MB21D2: variants seen among roughly 807,000 people sequenced by gnomAD.
MB21D2 encodes nucleotidyltransferase MB21D2.
Under a neutral mutation model 33.3 loss-of-function variants are expected in MB21D2, and 9 were observed. The observed-to-expected ratio is 0.27, with a 90% CI of 0.16 to 0.47. The LOEUF (loss-of-function observed/expected upper bound fraction) is 0.47, where lower values mean the gene tolerates loss of function less well. MB21D2 is among the 20% of genes least tolerant of loss of function. The pLI is 0.99. For synonymous variants in MB21D2, 241 were observed against 236.3 expected (o/e 1.02, Z -0.18); for missense variants, 540 against 624.6 (o/e 0.86, Z 1.44).
intron 1 of MB21D2, among the ~76,000 whole-genome samples, chr3:192,840,965 T>C (rs2108625292): frequency 6.6e-6 from 1 of 152,350 alleles, no homozygotes; most frequent in South Asian, 2.1e-4. Context: ...GCATACCATT[T>C]GTATAGTGGA....
chr3:192,822,633 T>C (rs372909576), intron 1 of MB21D2, among the ~76,000 whole-genome samples: 50 of 152,346 alleles, frequency 3.3e-4, no homozygotes, highest in African/African-American at 1.2e-3. Flanking sequence ...CCCGTGGCCA[T>C]GGTCAGGTCA....
chr3:192,818,043 C>CG (rs1327055909), intron 1 of MB21D2, among the ~76,000 whole-genome samples: 4 of 151,788 alleles, frequency 2.6e-5, no homozygotes, highest in Admixed American at 1.3e-4. Context: ...TGTGCCCTCC[C>CG]TCCTTGCCTG....
chr3:192,896,075 G>A (rs910772529), intron 1 of MB21D2, among the ~76,000 whole-genome samples: 9 of 152,152 alleles, frequency 5.9e-5, no homozygotes, highest in East Asian at 1.9e-4. Flanking sequence ...TCCGCTGCTC[G>A]TTTAACATAC....
chr3:192,865,186 G>A (rs995496722), intron 1 of MB21D2, among the ~76,000 whole-genome samples: 1 of 152,214 alleles, frequency 6.6e-6, no homozygotes, highest in African/African-American at 2.4e-5. Context: ...CCTCCTGCAT[G>A]TGGAGCTTTC....
chr3:192,811,794 A>G (rs1711792912), intron 1 of MB21D2, among the ~76,000 whole-genome samples: 1 of 152,132 alleles, frequency 6.6e-6, no homozygotes, highest in South Asian at 2.1e-4. Flanking sequence ...GGGAGGGTGG[A>G]TTAAAAAAAA....
intron 1 of MB21D2, among the ~76,000 whole-genome samples, chr3:192,849,353 T>C (rs1323005857): frequency 6.7e-6 from 1 of 148,406 alleles, no homozygotes; most frequent in Non-Finnish European, 1.5e-5. Flanking sequence ...AGTCTCGCTC[T>C]GTTGCCCAGG....
intron 1 of MB21D2, among the ~76,000 whole-genome samples, chr3:192,856,949 C>T (rs2108631941): frequency 6.6e-6 from 1 of 152,134 alleles, no homozygotes; most frequent in South Asian, 2.1e-4. Context: ...AAAATAATAA[C>T]AATGATGAGG....
At chr3:192,912,773 A>T (rs1274312861) in intron 1 of MB21D2, among the ~76,000 whole-genome samples, 3 of 152,222 alleles carry the variant, frequency 2.0e-5, no homozygotes. Flanking sequence ...ATGGAAACTG[A>T]TTGCTACTAC....
intron 1 of MB21D2, among the ~76,000 whole-genome samples, chr3:192,825,028 T>C (rs1490986158): frequency 6.6e-6 from 1 of 152,198 alleles, no homozygotes; most frequent in East Asian, 1.9e-4. Flanking sequence ...TCCTCCTACG[T>C]GCTCATGTTC....
chr3:192,872,449 G>A (rs6778580), intron 1 of MB21D2, among the ~76,000 whole-genome samples: 92,053 of 150,520 alleles, frequency 0.61, 30,135 homozygotes, highest in African/African-American at 0.85. Flanking sequence ...GGTGGCGAGC[G>A]CCTGTAGTCC....
intron 1 of MB21D2, among the ~76,000 whole-genome samples, chr3:192,853,224 A>T (rs1350197459): frequency 6.6e-6 from 1 of 152,140 alleles, no homozygotes; most frequent in Non-Finnish European, 1.5e-5. Context: ...CACCCCTCGA[A>T]GGTCTTCTCC....
intron 1 of MB21D2, among the ~76,000 whole-genome samples, chr3:192,827,722 C>CACTG (rs10665466): frequency 0.61 from 92,477 of 151,670 alleles, 29,626 homozygotes; most frequent in African/African-American, 0.81. Flanking sequence ...GTTCTGTCTA[C>CACTG]ACTTAGTGTC....
intron 1 of MB21D2, among the ~76,000 whole-genome samples, chr3:192,902,670 C>T (rs1008010550): frequency 6.6e-6 from 1 of 152,190 alleles, no homozygotes; most frequent in Admixed American, 6.5e-5. Flanking sequence ...ACTAGCTTAA[C>T]TCCTCTCTAA....
chr3:192,811,574 C>T (rs528608431), intron 1 of MB21D2, among the ~76,000 whole-genome samples: 1 of 152,142 alleles, frequency 6.6e-6, no homozygotes, highest in Non-Finnish European at 1.5e-5. Flanking sequence ...AGTTCATTAG[C>T]CTTCACAGAT....
At chr3:192,888,831 G>C (rs990799133) in intron 1 of MB21D2, among the ~76,000 whole-genome samples, 3 of 152,000 alleles carry the variant, frequency 2.0e-5, no homozygotes, top group African/African-American at 4.8e-5. Flanking sequence ...GCTTCTTTCA[G>C]CAGAATGATG....
At chr3:192,853,304 G>A (rs1199910395) in intron 1 of MB21D2, among the ~76,000 whole-genome samples, 1 of 152,174 alleles carries the variant, frequency 6.6e-6, no homozygotes, top group Non-Finnish European at 1.5e-5. Context: ...GACCCTGTCA[G>A]AATTTAACAC....
At chr3:192,825,345 T>C (rs1362163646) in intron 1 of MB21D2, among the ~76,000 whole-genome samples, 2 of 152,184 alleles carry the variant, frequency 1.3e-5, no homozygotes, top group African/African-American at 4.8e-5. Flanking sequence ...CGTAGGGGAA[T>C]GCAGTTCATT....
chr3:192,859,634 C>T (rs560726881), intron 1 of MB21D2, among the ~76,000 whole-genome samples: 1 of 152,182 alleles, frequency 6.6e-6, no homozygotes, highest in African/African-American at 2.4e-5. Flanking sequence ...AGTACCAAGC[C>T]CAGAGCCTCA....
intron 1 of MB21D2, among the ~76,000 whole-genome samples, chr3:192,892,532 C>A (rs966353067): frequency 6.6e-6 from 1 of 152,122 alleles, no homozygotes; most frequent in African/African-American, 2.4e-5. Context: ...CCTCTGCCTC[C>A]CAGGTTCAAG....
Sources: gnomAD v4.1 joint callset for allele counts (sites outside exome capture counted in the v4.1 genomes callset) on GRCh38, gnomAD v4.1.1 for gene constraint, MANE v1.5 for transcripts, NCBI Gene and HGNC (gene_info 2026-07-23, HGNC 2026-07-21) for gene names.